DLGAP4: variants seen among roughly 807,000 people sequenced by gnomAD.
The protein encoded by DLGAP4 is DLG associated protein 4, also known as disks large-associated protein 4.
DLGAP4 carries 18 observed loss-of-function variants against 86.9 expected under a neutral mutation model. The observed-to-expected ratio is 0.21, with a 90% CI of 0.14 to 0.31. The LOEUF is 0.31. DLGAP4 is among the 10% of genes least tolerant of loss of function. DLGAP4 has a pLI of 1.00. For synonymous variants in DLGAP4, 548 were observed against 574.3 expected (o/e 0.95, Z 0.65); for missense variants, 1,085 against 1,362.6 (o/e 0.80, Z 3.21).
intron 11 of DLGAP4, chr20:36,525,553 C>T (rs1352485041): frequency 2.2e-6 from 1 of 463,530 alleles, no homozygotes; most frequent in Admixed American, 3.3e-5. Context: ...TGGCCAAGAA[C>T]TTCTGTTTCT....
At chr20:36,309,369 C>T (rs1391406161) in intron 1 of DLGAP4, among the ~76,000 whole-genome samples, 1 of 152,202 alleles carries the variant, frequency 6.6e-6, no homozygotes, top group Non-Finnish European at 1.5e-5. Context: ...TGTCTTGGCT[C>T]AACGTGTGCA....
rs1446522128 is a variant in DLGAP4, at chr20:36,499,447, A to C, written c.2011-141A>C. ...CTGGTCCGGCCTCGGGCCCACGTGC[A>C]GTGTCCGCATGCCTCGTGTCTGTCT... On this transcript the variant is annotated intron_variant, in intron 8 of 12. Coordinates refer to ENST00000339266, the MANE Select transcript of DLGAP4 (RefSeq NM_001365621.2). 2.2e-6 allele frequency: 3 copies of C among 1,350,490 alleles called. No homozygotes were observed. In the Admixed American group the frequency reaches 6.0e-5, roughly 27 times the overall value. 83.7% of individuals were successfully genotyped at this position (1,350,490 alleles called of 1,614,324 possible).
chr20:36,499,722 T>A, intron 9 of DLGAP4, 46 bp downstream of exon 9: 1 of 1,491,122 alleles, frequency 6.7e-7, no homozygotes, highest in South Asian at 1.2e-5. Context: ...CTCCTCTCCC[T>A]CCCTCCGCTC....
At chr20:36,378,114 C>A (rs1345054041) in intron 2 of DLGAP4, among the ~76,000 whole-genome samples, 1 of 152,180 alleles carries the variant, frequency 6.6e-6, no homozygotes, top group African/African-American at 2.4e-5. Flanking sequence ...GCAGGAGTTG[C>A]AAGGGGAAGC....
At chr20:36,493,182 A>G (rs966370722) in intron 7 of DLGAP4, 3 of 152,158 alleles carry the variant, frequency 2.0e-5, no homozygotes, top group African/African-American at 7.2e-5. Context: ...GGGCCATACA[A>G]CAGGTCAGTG....
At chr20:36,316,123 T>G (rs1325024557) in intron 1 of DLGAP4, among the ~76,000 whole-genome samples, 1 of 152,218 alleles carries the variant, frequency 6.6e-6, no homozygotes, top group Non-Finnish European at 1.5e-5. Flanking sequence ...TGACCTCCCC[T>G]TCTCAAGCAT....
At chr20:36,326,083 A>T (rs2065213260) in intron 1 of DLGAP4, among the ~76,000 whole-genome samples, 1 of 152,140 alleles carries the variant, frequency 6.6e-6, no homozygotes, top group South Asian at 2.1e-4. Flanking sequence ...AACATGGTCT[A>T]TATTTTTTCA....
chr20:36,527,213 T>C lies in DLGAP4; in HGVS notation c.*182T>C, dbSNP rs1268907335. The C allele has an allele frequency of 5.9e-6, 3 of 508,656 alleles. No homozygotes were observed. The highest frequency in any genetic ancestry group is 1.0e-5 in the Non-Finnish European group (3 of 297,274). 31.5% of individuals were successfully genotyped at this position (508,656 alleles called of 1,614,324 possible). A position where few individuals can be genotyped will look rare whatever the true frequency, so the allele number is the denominator to read the frequency against. ...TTTTTGGGTCCCTCCCAGCTTTAGG[T>C]TATGAAGATTTTACTCACAAAAAAA... On this transcript the variant is annotated 3_prime_UTR_variant, in exon 13 of 13. Transcript: ENST00000339266.
intron 7 of DLGAP4, among the ~76,000 whole-genome samples, chr20:36,449,524 C>G (rs1467873076): frequency 6.6e-6 from 1 of 152,180 alleles, no homozygotes; most frequent in Non-Finnish European, 1.5e-5. Context: ...AGAGCTGAGG[C>G]CCAGGTTCTG....
At chr20:36,501,064 CTTTTTTT>C (rs11480703) in intron 10 of DLGAP4, among the ~76,000 whole-genome samples, 5 of 138,132 alleles carry the variant, frequency 3.6e-5, no homozygotes, top group Non-Finnish European at 6.2e-5. Flanking sequence ...CCTTCAACAA[CTTTTTTT>C]TTTTTTTTTT....
chr20:36,469,488 C>T (rs1473992341), intron 7 of DLGAP4, among the ~76,000 whole-genome samples: 2 of 152,192 alleles, frequency 1.3e-5, no homozygotes, highest in Admixed American at 6.5e-5. Flanking sequence ...CATGGTGGCT[C>T]ACGCATGTAA....
intron 8 of DLGAP4, 146 bp from the exon 9 acceptor site, chr20:36,499,442 C>T (rs1010507107): frequency 9.5e-5 from 130 of 1,366,920 alleles, no homozygotes; most frequent in Non-Finnish European, 1.2e-4. Flanking sequence ...CTCGGGCCCA[C>T]GTGCAGTGTC....
rs1002842550 is a variant in DLGAP4 at position 36,311,898 on chromosome 20, C to A, written c.-304+5386C>A. ...CATGTTCTGGGGATTCTGAAGTTCC[C>A]GTTTGTTCCACAGCAAGCGTTGGGT... On this transcript the variant is annotated intron_variant, in intron 1 of 12. Transcript: ENST00000339266. Among the ~76,000 whole-genome samples, 3 of 152,286 alleles carry A rather than the reference C, an allele frequency of 2.0e-5. No individual in the cohort carries two copies. In the East Asian group the frequency reaches 5.8e-4, roughly 29 times the overall value.
intron 2 of DLGAP4, among the ~76,000 whole-genome samples, chr20:36,401,963 C>CGAGTGAATG (rs1418847997): frequency 2.0e-4 from 31 of 152,270 alleles, no homozygotes; most frequent in Non-Finnish European, 1.5e-5. Flanking sequence ...TGGCTGGAGC[C>CGAGTGAATG]GAGTGAATGA....
chr20:36,397,275 A>C (rs1204967338), intron 2 of DLGAP4, among the ~76,000 whole-genome samples: 1 of 152,196 alleles, frequency 6.6e-6, no homozygotes, highest in Non-Finnish European at 1.5e-5. Flanking sequence ...GTGAGTCCTA[A>C]TTCAGGGGTT....
At chr20:36,438,196 A>G (rs2033340790) in intron 4 of DLGAP4, among the ~76,000 whole-genome samples, 1 of 152,100 alleles carries the variant, frequency 6.6e-6, no homozygotes, top group African/African-American at 2.4e-5. Flanking sequence ...CAACATGGCG[A>G]AACCGCATCT....
intron 10 of DLGAP4, among the ~76,000 whole-genome samples, chr20:36,516,807 A>G (rs1384095696): frequency 1.3e-5 from 2 of 151,726 alleles, no homozygotes; most frequent in African/African-American, 2.4e-5. Context: ...AGTTCTGTGT[A>G]TGGCTGGGCG....
intron 2 of DLGAP4, among the ~76,000 whole-genome samples, chr20:36,380,625 GA>G (rs2031348603): frequency 4.3e-5 from 4 of 92,878 alleles, no homozygotes; most frequent in Admixed American, 3.8e-4. Context: ...GAGAGAGAGA[GA>G]GAGAGAGAGA....
intron 1 of DLGAP4, among the ~76,000 whole-genome samples, chr20:36,363,614 G>T (rs1297405554): frequency 6.6e-6 from 1 of 152,126 alleles, no homozygotes; most frequent in Non-Finnish European, 1.5e-5. Context: ...CTGAGATGGG[G>T]GCAGCTGTGG....
Sources: gnomAD v4.1 joint callset for allele counts (sites outside exome capture counted in the v4.1 genomes callset) on GRCh38, gnomAD v4.1.1 for gene constraint, MANE v1.5 for transcripts, NCBI Gene and HGNC (gene_info 2026-07-23, HGNC 2026-07-21) for gene names.